GPD2: variants seen among roughly 807,000 people sequenced by gnomAD.
GPD2 encodes glycerol-3-phosphate dehydrogenase 2, also known as glycerol-3-phosphate dehydrogenase, mitochondrial.
Under a neutral mutation model 82.4 loss-of-function variants are expected in GPD2, and 54 were observed. The ratio of observed to expected loss-of-function variants is 0.66; its 90% confidence interval spans 0.53 to 0.82. GPD2 has a LOEUF of 0.82. Ranked by LOEUF, GPD2 falls within the 40% of genes least tolerant of loss-of-function variation. GPD2 has a pLI of 0.00. For missense variants in GPD2, 748 were observed against 896.2 expected (o/e 0.83, Z 2.11); for synonymous variants, 288 against 306.1 (o/e 0.94, Z 0.62).
intron 2 of GPD2, among the ~76,000 whole-genome samples, chr2:156,495,374 GTATATTTA>G (rs1308125661): frequency 6.6e-6 from 1 of 151,894 alleles, no homozygotes. Flanking sequence ...AACTGTAATG[GTATATTTA>G]TATTACTTTC....
At chr2:156,443,576 A>G (rs1271566552) in intron 1 of GPD2, among the ~76,000 whole-genome samples, 1 of 152,164 alleles carries the variant, frequency 6.6e-6, no homozygotes, top group Non-Finnish European at 1.5e-5. Context: ...CACATTTGGC[A>G]GTTTTAATCT....
chr2:156,536,308 A>G (rs1002402750), intron 6 of GPD2, among the ~76,000 whole-genome samples: 6 of 152,204 alleles, frequency 3.9e-5, no homozygotes, highest in African/African-American at 1.4e-4. Flanking sequence ...GGAGTAATGT[A>G]TTATAATTTT....
the GPD2 span, among the ~76,000 whole-genome samples, chr2:156,421,945 G>C: frequency 6.6e-6 from 1 of 152,186 alleles, no homozygotes; most frequent in Admixed American, 6.5e-5. Flanking sequence ...GGGCAACATA[G>C]TGAGAACCCA....
At chr2:156,549,874 C>G (rs936837459) in intron 7 of GPD2, 102 bp downstream of exon 7, 7 of 863,342 alleles carry the variant, frequency 8.1e-6, no homozygotes, top group Non-Finnish European at 1.3e-5. Flanking sequence ...ATTTATGCCA[C>G]GCTTCAGAGT....
intron 3 of GPD2, among the ~76,000 whole-genome samples, chr2:156,504,275 A>G (rs748438291): frequency 2.0e-5 from 3 of 152,122 alleles, no homozygotes; most frequent in Non-Finnish European, 4.4e-5. Flanking sequence ...AGAGGAATTG[A>G]TCCTTCCCAT....
upstream of GPD2, among the ~76,000 whole-genome samples, chr2:156,434,966 T>C (rs556101808): frequency 2.0e-5 from 3 of 152,290 alleles, no homozygotes; most frequent in Admixed American, 1.3e-4. Context: ...GACTGACTCA[T>C]TGGACTTGGG....
rs1436737487 is a variant in GPD2 at position 156,484,614 on chromosome 2, T to C, written c.102+8407T>C. The stretch of plus-strand genomic sequence containing the variant: ...CAGCACTTTGGGAGGCTGAGGCAGG[T>C]GGATCACCTGAAGTCAGAAGTTCGA... On this transcript the variant is annotated intron_variant, in intron 2 of 16. Coordinates refer to ENST00000438166, the MANE Select transcript of GPD2 (RefSeq NM_000408.5). 3.3e-5 allele frequency among the ~76,000 whole-genome samples: 5 copies of C among 151,798 alleles called. No homozygotes were observed. In the East Asian group the frequency reaches 7.8e-4, roughly 24 times the overall value.
At chr2:156,426,921 A>G in the GPD2 span, among the ~76,000 whole-genome samples, 1 of 152,244 alleles carries the variant, frequency 6.6e-6, no homozygotes, top group Non-Finnish European at 1.5e-5. Context: ...CAGAGCAGAT[A>G]CTGAGATGGA....
chr2:156,482,970 A>G (rs191109201), intron 2 of GPD2, among the ~76,000 whole-genome samples: 11 of 152,278 alleles, frequency 7.2e-5, no homozygotes, highest in Admixed American at 5.9e-4. Flanking sequence ...GAATTTTGAG[A>G]ACGTTGTTTT....
chr2:156,519,517 A>G (rs1264454374), intron 6 of GPD2, among the ~76,000 whole-genome samples: 4 of 152,238 alleles, frequency 2.6e-5, no homozygotes, highest in African/African-American at 4.8e-5. Context: ...CTATTTGCCA[A>G]CAATTTCCAG....
chr2:156,467,475 C>T (rs536818737), intron 1 of GPD2, among the ~76,000 whole-genome samples: 68 of 152,094 alleles, frequency 4.5e-4, no homozygotes, highest in African/African-American at 1.6e-3. Context: ...TCGGAAAAGC[C>T]TTTTTGTTTG....
intron 1 of GPD2, among the ~76,000 whole-genome samples, chr2:156,464,857 CTT>C (rs559153888): frequency 6.8e-6 from 1 of 146,608 alleles, no homozygotes. Context: ...ATTTTCTTTT[CTT>C]TTTTTTTTTG....
In GPD2 at chr2:156,584,177, C is replaced by G. The variant is rs1287726648; in HGVS notation, c.*1259C>G. On this transcript the variant is annotated 3_prime_UTR_variant, in exon 17 of 17. Coordinates refer to ENST00000438166, the MANE Select transcript of GPD2 (RefSeq NM_000408.5). ...TGTGTATTGAATTTAACAAGTAATG[C>G]AGTTTGGGATGCTTTTGCTACATTT... The G allele has an allele frequency of 2.0e-5, 3 of 151,952 alleles. No individual in the cohort carries two copies. In the East Asian group the frequency reaches 5.8e-4, roughly 29 times the overall value. 9.4% of individuals were successfully genotyped at this position (151,952 alleles called of 1,614,324 possible).
At chr2:156,494,540 A>C (rs930890047) in intron 2 of GPD2, among the ~76,000 whole-genome samples, 1 of 152,218 alleles carries the variant, frequency 6.6e-6, no homozygotes, top group Admixed American at 6.5e-5. Flanking sequence ...TGGCCTGATA[A>C]TAATTAAATG....
chr2:156,558,905 C>T (rs1359194456), intron 9 of GPD2, among the ~76,000 whole-genome samples: 19 of 151,014 alleles, frequency 1.3e-4, no homozygotes, highest in East Asian at 7.8e-4. Flanking sequence ...AGTGAGCCAC[C>T]GTGCCTGGCC....
intron 1 of GPD2, among the ~76,000 whole-genome samples, chr2:156,457,490 A>G (rs544102674): frequency 1.3e-5 from 2 of 152,234 alleles, no homozygotes; most frequent in African/African-American, 4.8e-5. Flanking sequence ...GTTGGGCTTG[A>G]TATGGGTTTA....
chr2:156,582,949 A>C lies in GPD2; in HGVS notation c.*31A>C. The C allele has an allele frequency of 6.2e-7, 1 of 1,610,812 alleles. No homozygotes were observed. The highest frequency in any genetic ancestry group is 1.7e-4 in the Middle Eastern group (1 of 6,042). On this transcript the variant is annotated 3_prime_UTR_variant, in exon 17 of 17. Transcript: ENST00000438166. ...GGCAGTAAATCCACAGCCAACAAAC[A>C]TAGAAACGACAAATCACCATGTAAC...
the GPD2 span, among the ~76,000 whole-genome samples, chr2:156,410,581 G>A: frequency 6.6e-6 from 1 of 152,040 alleles, no homozygotes; most frequent in South Asian, 2.1e-4. Flanking sequence ...GTGTTGCCTA[G>A]GTTGATCTTG....
At chr2:156,528,646 T>A (rs1424843631) in intron 6 of GPD2, among the ~76,000 whole-genome samples, 2 of 139,652 alleles carry the variant, frequency 1.4e-5, no homozygotes, top group Non-Finnish European at 3.0e-5. Context: ...TGTCCATGTG[T>A]TCTCATTGTT....
Sources: allele counts gnomAD v4.1 joint callset (sites outside exome capture counted in the v4.1 genomes callset), GRCh38; gene constraint gnomAD v4.1.1; transcripts MANE v1.5; gene names NCBI Gene and HGNC (gene_info 2026-07-23, HGNC 2026-07-21).